The following GANAB variants were observed in gnomAD, a reference collection of about 807,000 sequenced individuals.
GANAB encodes the protein glucosidase II alpha subunit.
A neutral mutation model predicts 129.9 loss-of-function variants in GANAB; 35 were observed. The ratio of observed to expected loss-of-function variants is 0.27; its 90% CI spans 0.21 to 0.36. The LOEUF (loss-of-function observed/expected upper bound fraction) is 0.36. GANAB is among the 10% of genes least tolerant of loss of function. The probability of loss-of-function intolerance (pLI) is 1.00; values close to 1 mark genes in which losing one functional copy is unlikely to be tolerated. For synonymous variants in GANAB, 482 were observed against 451.8 expected (o/e 1.07, Z -0.85); for missense variants, 939 against 1,221.0 (o/e 0.77, Z 3.44).
At chr11:62,644,535 T>A (rs1944394805) in intron 1 of GANAB, among the ~76,000 whole-genome samples, 1 of 151,658 alleles carries the variant, frequency 6.6e-6, no homozygotes, top group Non-Finnish European at 1.5e-5. Context: ...GCCGGAGGAC[T>A]GCCTGAACGC....
Position 62,626,917 on chromosome 11 carries a change from T to C in GANAB, c.2340A>G (p.Gln780=). 6.2e-7 allele frequency: 1 copy of C among 1,612,118 alleles called. No individual in the cohort carries two copies. The highest frequency in any genetic ancestry group is 1.1e-5 in the South Asian group (1 of 91,050). Residue 780 remains glutamine (Q), a synonymous_variant, in exon 20 of 24, where the codon CAA becomes CAG. Coordinates refer to ENST00000356638, the MANE Select transcript of GANAB (RefSeq NM_198334.3). The part of the protein sequence containing the change: ...PGQGEVWYDI[Q]SYQKHHGPQT... ...GGGGACCATGATGCTTCTGGTAGCT[T>C]TGAATGTCATACCACACCTGTGAGT...
intron 1 of GANAB, among the ~76,000 whole-genome samples, chr11:62,642,878 T>C (rs983244820): frequency 5.3e-5 from 8 of 152,148 alleles, no homozygotes; most frequent in Admixed American, 5.2e-4. Flanking sequence ...ATGGGAAAAT[T>C]AAAGCATAAA....
Position 62,634,860 on chromosome 11 carries a change from C to T in GANAB, c.521G>A (p.Gly174Glu). 1 of 1,614,116 alleles carries T rather than the reference C, an allele frequency of 6.2e-7. No homozygotes were observed. Among genetic ancestry groups the T allele is most frequent in the East Asian group, 2.2e-5 (1 of 44,878 alleles). Residue 174 changes from glycine (G) to glutamate (E), a missense_variant, in exon 5 of 24, where the codon GGA becomes GAA. Around this residue, in one of 5 missense-constraint regions of GANAB, gnomAD observed 321 missense variants for 329.1 expected, o/e 0.98. Transcript: ENST00000356638. The stretch of plus-strand genomic sequence containing the variant: ...CCTCTGATGCTCAAACTCCAAGAGT[C>T]CTCGGGCATTGACACTAAGCAAAAG... ...RSLLLSVNARGLLEFEHQRAP... is the reference protein window; with the variant it reads ...RSLLLSVNARELLEFEHQRAP...
At chr11:62,633,858 C>T (rs1243140653) in intron 5 of GANAB, 7 of 433,966 alleles carry the variant, frequency 1.6e-5, no homozygotes, top group Non-Finnish European at 1.7e-5. Flanking sequence ...AGATTCTGGC[C>T]CCAAGTGCTC....
intron 5 of GANAB, chr11:62,634,205 G>A (rs1943828462): frequency 1.2e-5 from 9 of 757,374 alleles, no homozygotes; most frequent in Admixed American, 1.2e-4. Flanking sequence ...GGAAAGTGGG[G>A]TGAGTGAAAG....
chr11:62,642,747 T>C (rs1406624818), intron 1 of GANAB, among the ~76,000 whole-genome samples: 1 of 152,124 alleles, frequency 6.6e-6, no homozygotes, highest in Middle Eastern at 3.2e-3. Flanking sequence ...AAAGTTTTTT[T>C]AAAGTTCCCT....
chr11:62,631,245 C>T lies in GANAB; in HGVS notation c.997-62G>A, dbSNP rs1943665047. ...GCCCTCCCATTTTCCAACCCCAAGACAAAAAGTAGCAATTTTCTCCCAGAG... is the reference window on the plus strand; with the variant it reads ...GCCCTCCCATTTTCCAACCCCAAGATAAAAAGTAGCAATTTTCTCCCAGAG... On this transcript the variant is annotated intron_variant, in intron 9 of 23. Transcript: ENST00000356638. The T allele has an allele frequency of 2.8e-6, 4 of 1,441,930 alleles. No homozygotes were observed. In the South Asian group the frequency reaches 5.7e-5, roughly 21 times the overall value. 89.3% of individuals were successfully genotyped at this position (1,441,930 alleles called of 1,614,324 possible).
intron 21 of GANAB, 54 bp from the exon 22 acceptor site, chr11:62,626,501 A>T (rs1363858114): frequency 1.3e-6 from 2 of 1,504,256 alleles, no homozygotes; most frequent in East Asian, 4.5e-5. Flanking sequence ...AGTGAGGGGC[A>T]CAACCCCAGA....
intron 4 of GANAB, among the ~76,000 whole-genome samples, chr11:62,637,589 T>A (rs967922127): frequency 2.0e-5 from 3 of 151,868 alleles, no homozygotes; most frequent in African/African-American, 7.2e-5. Context: ...TAGCAACACT[T>A]TGGCTAGCAA....
intron 4 of GANAB, among the ~76,000 whole-genome samples, chr11:62,637,209 A>C (rs981494329): frequency 1.3e-5 from 2 of 152,196 alleles, no homozygotes; most frequent in African/African-American, 4.8e-5. Context: ...AAACTAAAGA[A>C]ACCTCAAGTA....
chr11:62,638,672 A>G (rs1051754450), intron 4 of GANAB, among the ~76,000 whole-genome samples: 1 of 151,794 alleles, frequency 6.6e-6, no homozygotes, highest in Non-Finnish European at 1.5e-5. Flanking sequence ...GCAGGTAGAC[A>G]TTGTATTCCT....
chr11:62,625,779 C>A lies in GANAB; in HGVS notation c.*36G>T, dbSNP rs759447048. On this transcript the variant is annotated 3_prime_UTR_variant, in exon 24 of 24. Coordinates refer to ENST00000356638, the MANE Select transcript of GANAB (RefSeq NM_198334.3). The stretch of plus-strand genomic sequence containing the variant: ...AAGAATATCTCTCAGCACTAATGCT[C>A]CCCTTCCCTCCCCCTAACCCAGAAC... 7.2e-6 allele frequency: 9 copies of A among 1,258,310 alleles called. 1 individual carries two copies. The South Asian group carries it at 1.1e-4, about 15-fold the overall frequency. The allele number at this position is 1,258,310 out of a possible 1,614,324, so 77.9% of individuals were successfully genotyped here.
chr11:62,627,298 ACT>A lies in GANAB; in HGVS notation c.2234_2235del (p.Gln745LeufsTer33). The A allele has an allele frequency of 6.4e-7, 1 of 1,572,946 alleles. No individual in the cohort carries two copies. The highest frequency in any genetic ancestry group is 8.8e-7 in the Non-Finnish European group (1 of 1,142,456). On this transcript the variant is annotated frameshift_variant, in exon 18 of 24. Coordinates refer to ENST00000356638, the MANE Select transcript of GANAB (RefSeq NM_198334.3). LOFTEE classifies it high-confidence loss of function. ...TATCCTCATTTCTCACCAAGCAAGT[ACT>A]GATCATCTATATTGAAGGTAGTCAC... ...QDVTTFNIDD[Q>X]YLLGDALLVH...
chr11:62,630,403 C>T lies in GANAB; in HGVS notation c.1489G>A (p.Asp497Asn), dbSNP rs1235304080. 2.5e-6 allele frequency: 4 copies of T among 1,614,110 alleles called. No homozygotes were observed. The highest frequency in any genetic ancestry group is 2.5e-6 in the Non-Finnish European group (3 of 1,180,058). The part of the protein sequence containing the change: ...GLYVKTRDGS[D>N]YEGWCWPGSA... The stretch of plus-strand genomic sequence containing the variant: ...CCTGGCCAGCACCAGCCCTCATAGT[C>T]AGAGCCATCCCGGGTTTTAACATAC... Residue 497 changes from aspartate (D) to asparagine (N), a missense_variant, in exon 12 of 24, where the codon GAC becomes AAC. Asp to Asn is a conservative substitution (Grantham distance 23). This residue lies in a region of GANAB where 220 missense variants were observed against 295.9 expected (regional missense o/e 0.74). Transcript: ENST00000356638.
In GANAB at chr11:62,628,503, G is replaced by A. The variant is rs56844910; in HGVS notation, c.2180+266C>T. 4.8e-3 allele frequency among the ~76,000 whole-genome samples: 724 copies of A among 152,142 alleles called. 6 individuals carry two copies. The highest frequency in any genetic ancestry group is 0.016 in the African/African-American group (673 of 41,472). The stretch of plus-strand genomic sequence containing the variant: ...GCTGGGATTACAGGTGTGAGCCACT[G>A]TGCCCGGCCTCAAAAAGGGATTTTA... On this transcript the variant is annotated intron_variant, in intron 17 of 23. Transcript: ENST00000356638.
At chr11:62,636,661 A>G (rs1418124113) in intron 4 of GANAB, among the ~76,000 whole-genome samples, 2 of 152,158 alleles carry the variant, frequency 1.3e-5, no homozygotes, top group African/African-American at 2.4e-5. Flanking sequence ...CTAAAAATAC[A>G]AAAAGTAGCC....
chr11:62,628,704 A>C (rs1038693706), intron 17 of GANAB, 65 bp downstream of exon 17: 35 of 1,544,158 alleles, frequency 2.3e-5, no homozygotes, highest in Non-Finnish European at 2.8e-5. Flanking sequence ...CCCAGAGATG[A>C]AGCCCAGTCC....
chr11:62,631,793 T>G (rs1379537510), intron 9 of GANAB, among the ~76,000 whole-genome samples: 3 of 151,472 alleles, frequency 2.0e-5, no homozygotes, highest in Non-Finnish European at 4.4e-5. Flanking sequence ...TTTTCAAACG[T>G]TTTTATAGAG....
In GANAB at chr11:62,626,986, C is replaced by CG. The variant is rs747338622; in HGVS notation, c.2323-53_2323-52insC. ...CCGGATCACTCAGTGCACAGGGGTC[C>CG]CGTCCTGTTTGCCTCCTTTGGCTTC... is the stretch of plus-strand genomic sequence containing the variant. On this transcript the variant is annotated intron_variant, in intron 19 of 23. Transcript: ENST00000356638. The CG allele has an allele frequency of 4.5e-5, 71 of 1,571,408 alleles. No individual in the cohort carries two copies. The African/African-American group carries it at 9.0e-4, about 20-fold the overall frequency.
Sources: gnomAD v4.1 joint callset for allele counts (sites outside exome capture counted in the v4.1 genomes callset) on GRCh38, gnomAD v4.1.1 for gene constraint, gnomAD v4.1.1 regional missense constraint, MANE v1.5 for transcripts, NCBI Gene and HGNC (gene_info 2026-07-23, HGNC 2026-07-21) for gene names.